Variants in RBM19 observed in about 807,000 individuals in gnomAD.
The protein encoded by RBM19 is probable RNA-binding protein 19.
RBM19 carries 94 observed loss-of-function variants against 116.8 expected under a neutral mutation model. The ratio of observed to expected loss-of-function variants is 0.80; its 90% CI spans 0.68 to 0.95. RBM19 has a LOEUF of 0.95. RBM19 is among the 40% of genes least tolerant of loss of function. The pLI is 0.00. For synonymous variants in RBM19, 475 were observed against 494.1 expected (o/e 0.96, Z 0.51); for missense variants, 1,161 against 1,220.7 (o/e 0.95, Z 0.73).
At chr12:113,820,045 GGGGGA>G (rs1874309557), downstream of RBM19, among the ~76,000 whole-genome samples, 2 of 151,860 alleles carry the variant, frequency 1.3e-5, no homozygotes, top group Admixed American at 1.3e-4. Flanking sequence ...GACAGGGGAT[GGGGGA>G]TAGGGGGTTG....
chr12:113,861,289 C>G (rs1023418324), intron 21 of RBM19, among the ~76,000 whole-genome samples: 2 of 152,182 alleles, frequency 1.3e-5, no homozygotes, highest in Non-Finnish European at 2.9e-5. Context: ...CTAGGAATGC[C>G]CTGTGTGGAC....
intron 16 of RBM19, among the ~76,000 whole-genome samples, chr12:113,936,382 C>T (rs1296511086): frequency 2.0e-5 from 3 of 152,174 alleles, no homozygotes; most frequent in Non-Finnish European, 2.9e-5. Flanking sequence ...TCTAGGAATG[C>T]GTGGGGGTGT....
chr12:113,902,598 CAAAAAAAAA>C (rs60289889), intron 21 of RBM19, among the ~76,000 whole-genome samples: 2 of 114,890 alleles, frequency 1.7e-5, no homozygotes, highest in East Asian at 2.5e-4. Context: ...GACCCAGTCT[CAAAAAAAAA>C]AAAAAAAAAG....
intron 23 of RBM19, among the ~76,000 whole-genome samples, chr12:113,827,031 C>A (rs962608059): frequency 6.6e-6 from 1 of 152,212 alleles, no homozygotes; most frequent in Non-Finnish European, 1.5e-5. Flanking sequence ...CGAGTTCCCA[C>A]CGAATGACAC....
At position 113,950,100 on chromosome 12, in the gene RBM19, C is replaced by T; in HGVS notation, c.1055G>A (p.Cys352Tyr). Reference sequence around the variant, plus strand: ...TTCCTTACCCATGTACTCCCGGTTGCATTTCAGAGCTTGCTTCACTTCCTC... The same window carrying T: ...TTCCTTACCCATGTACTCCCGGTTGTATTTCAGAGCTTGCTTCACTTCCTC... Reference protein sequence around the residue: ...NEEEVKQALKCNREYMGGRYI... With the variant: ...NEEEVKQALKYNREYMGGRYI... Residue 352 changes from cysteine (C) to tyrosine (Y), a missense_variant, in exon 9 of 24, where the codon TGC becomes TAC. Coordinates refer to ENST00000261741, the MANE Select transcript of RBM19 (RefSeq NM_016196.4). 6.2e-7 allele frequency: 1 copy of T among 1,609,672 alleles called. No homozygotes were observed. The highest frequency in any genetic ancestry group is 8.5e-7 in the Non-Finnish European group (1 of 1,176,034).
chr12:113,950,315 C>T (rs1871363510), intron 8 of RBM19, among the ~76,000 whole-genome samples, 161 bp from the exon 9 acceptor site: 1 of 152,156 alleles, frequency 6.6e-6, no homozygotes, highest in South Asian at 2.1e-4. Context: ...TCTCTGTCTC[C>T]CACCCACAGC....
chr12:113,836,897 TACACACCCCCCCCCCCCCC>T (rs1411877493), intron 23 of RBM19, among the ~76,000 whole-genome samples: 14 of 41,744 alleles, frequency 3.4e-4, no homozygotes, highest in Admixed American at 1.2e-3. Context: ...ACTTACTACA[TACACACCCCCCCCCCCCCC>T]ACATACACAC....
At chr12:113,863,747 GAT>G (rs1232190426) in intron 21 of RBM19, among the ~76,000 whole-genome samples, 3 of 152,206 alleles carry the variant, frequency 2.0e-5, no homozygotes, top group African/African-American at 7.2e-5. Flanking sequence ...ACAACGGTGT[GAT>G]CTGAACAAGA....
At chr12:113,899,505 T>A (rs1881545699) in intron 21 of RBM19, among the ~76,000 whole-genome samples, 1 of 152,200 alleles carries the variant, frequency 6.6e-6, no homozygotes, top group Non-Finnish European at 1.5e-5. Flanking sequence ...CAAAACAGCA[T>A]GCACAATCCG....
At chr12:113,937,346 G>A (rs1298812856) in intron 15 of RBM19, 2 of 470,976 alleles carry the variant, frequency 4.2e-6, no homozygotes, top group African/African-American at 2.0e-5. Context: ...CAGGGTGCAG[G>A]AGAGAGGCTT....
intron 22 of RBM19, among the ~76,000 whole-genome samples, chr12:113,854,815 A>G (rs1877757802): frequency 2.0e-5 from 3 of 152,168 alleles, no homozygotes; most frequent in Admixed American, 2.0e-4. Context: ...AGTTTAGCAA[A>G]TGCTCAGCGA....
intron 5 of RBM19, 82 bp from the exon 6 acceptor site, chr12:113,958,132 T>C (rs1245573578): frequency 6.6e-7 from 1 of 1,525,458 alleles, no homozygotes; most frequent in Non-Finnish European, 8.8e-7. Flanking sequence ...ATGGTCCTCC[T>C]AGTGAGAGGC....
At chr12:113,841,961 T>A (rs1003507768) in intron 23 of RBM19, among the ~76,000 whole-genome samples, 29 of 152,348 alleles carry the variant, frequency 1.9e-4, no homozygotes, top group African/African-American at 6.7e-4. Context: ...CATAAATTAC[T>A]GCAGTGCTTG....
At chr12:113,868,579 G>C (rs868806425) in intron 21 of RBM19, among the ~76,000 whole-genome samples, 87 of 152,330 alleles carry the variant, frequency 5.7e-4, no homozygotes, top group Non-Finnish European at 7.6e-4. Flanking sequence ...TAGGTGCATG[G>C]AGGATTTCTC....
chr12:113,905,388 G>C (rs961835536), intron 21 of RBM19, among the ~76,000 whole-genome samples: 1 of 152,128 alleles, frequency 6.6e-6, no homozygotes, highest in Non-Finnish European at 1.5e-5. Context: ...TGGGCCAATT[G>C]AATATCCAAG....
At chr12:113,872,450 C>G (rs1879305918) in intron 21 of RBM19, among the ~76,000 whole-genome samples, 2 of 143,754 alleles carry the variant, frequency 1.4e-5, no homozygotes, top group Non-Finnish European at 3.1e-5. Flanking sequence ...AGGGGCGCCT[C>G]TGCTCGGCCG....
At chr12:113,874,376 T>A (rs1879510367) in intron 21 of RBM19, among the ~76,000 whole-genome samples, 1 of 152,038 alleles carries the variant, frequency 6.6e-6, no homozygotes, top group Admixed American at 6.5e-5. Flanking sequence ...AAACGGGGAG[T>A]GGGAGGAAGC....
intron 18 of RBM19, among the ~76,000 whole-genome samples, chr12:113,924,177 C>T (rs1026927612): frequency 6.6e-6 from 1 of 152,202 alleles, no homozygotes; most frequent in Non-Finnish European, 1.5e-5. Context: ...TCTGCCTGTC[C>T]ATGTACCCAC....
intron 21 of RBM19, among the ~76,000 whole-genome samples, chr12:113,895,025 A>C (rs957361796): frequency 6.6e-6 from 1 of 152,248 alleles, no homozygotes; most frequent in Non-Finnish European, 1.5e-5. Flanking sequence ...GCAGCCAGGG[A>C]ACTTCACTCA....
Sources: allele counts gnomAD v4.1 joint callset (sites outside exome capture counted in the v4.1 genomes callset), GRCh38; gene constraint gnomAD v4.1.1; transcripts MANE v1.5; gene names NCBI Gene and HGNC (gene_info 2026-07-23, HGNC 2026-07-21).